Variants in SPAG6 observed in about 807,000 individuals in gnomAD.
The protein encoded by SPAG6 is sperm associated antigen 6.
A neutral mutation model predicts 58.5 loss-of-function variants in SPAG6; 49 were observed. The observed-to-expected ratio is 0.84, with a 90% CI of 0.67 to 1.06. The LOEUF is 1.06. SPAG6 is among the 50% of genes least tolerant of loss of function. The pLI, the probability that SPAG6 is intolerant of heterozygous loss-of-function variation, is 0.00. For missense variants in SPAG6, 560 were observed against 611.3 expected, an observed-to-expected ratio of 0.92 and a Z score of 0.89; for synonymous variants, 233 against 225.6, an observed-to-expected ratio of 1.03 and a Z score of -0.29.
intron 4 of SPAG6, among the ~76,000 whole-genome samples, chr10:22,373,621 C>T (rs1833755077): frequency 6.6e-6 from 1 of 152,234 alleles, no homozygotes; most frequent in Non-Finnish European, 1.5e-5. Flanking sequence ...GGGACTACAA[C>T]CTGGTAATTA....
Position 22,389,286 on chromosome 10 carries a change from C to G in SPAG6, c.979C>G (p.Leu327Val). 1 of 1,612,302 alleles carries G rather than the reference C, an allele frequency of 6.2e-7. No individual in the cohort carries two copies. Among genetic ancestry groups the G allele is most frequent in the Non-Finnish European group, 8.5e-7 (1 of 1,179,606 alleles). The change falls in exon 7 of 11, where the codon CTA (leucine) becomes GTA (valine). Residue 327 changes from leucine (L) to valine (V), a missense_variant. Coordinates refer to ENST00000376624, the MANE Select transcript of SPAG6 (RefSeq NM_012443.4). Reference protein sequence around the residue: ...LGYVAAHSENLAMAVIISKGV... With the variant: ...LGYVAAHSENVAMAVIISKGV... Reference sequence around the variant, plus strand: ...TTATGTAGCAGCTCATTCTGAGAACCTAGCAATGGCAGTCATCATTTCTAA... The same window carrying G: ...TTATGTAGCAGCTCATTCTGAGAACGTAGCAATGGCAGTCATCATTTCTAA...
At chr10:22,386,682 G>A in intron 4 of SPAG6, 72 bp from the exon 5 acceptor site, 1 of 1,142,260 alleles carries the variant, frequency 8.8e-7, no homozygotes, top group Non-Finnish European at 1.3e-6. Flanking sequence ...TGCTGTATCT[G>A]TCAGGGTGAA....
intron 9 of SPAG6, among the ~76,000 whole-genome samples, chr10:22,406,596 GA>G (rs901897772): frequency 5.9e-5 from 9 of 152,020 alleles, no homozygotes; most frequent in Non-Finnish European, 1.3e-4. Context: ...GTGTGGTGCT[GA>G]AAAAAATGTA....
intron 6 of SPAG6, among the ~76,000 whole-genome samples, chr10:22,388,455 C>G (rs773065884): frequency 2.0e-5 from 3 of 152,072 alleles, no homozygotes; most frequent in Non-Finnish European, 2.9e-5. Flanking sequence ...AGTGAGAACA[C>G]TATTATAGCT....
chr10:22,377,591 A>G (rs1162806390), intron 4 of SPAG6, among the ~76,000 whole-genome samples: 1 of 152,246 alleles, frequency 6.6e-6, no homozygotes, highest in Non-Finnish European at 1.5e-5. Flanking sequence ...ATATTAGGCA[A>G]CTGTTAAAAA....
intron 6 of SPAG6, 130 bp from the exon 7 acceptor site, chr10:22,389,030 A>G: frequency 1.5e-6 from 1 of 681,538 alleles, no homozygotes; most frequent in South Asian, 3.3e-5. Context: ...AATAAATATA[A>G]TAATTTCACT....
At chr10:22,360,773 T>C (rs1837011794) in intron 2 of SPAG6, 2 of 1,526,834 alleles carry the variant, frequency 1.3e-6, no homozygotes, top group African/African-American at 1.4e-5. Flanking sequence ...GTTTATCAGA[T>C]ATTGTGGCAA....
intron 2 of SPAG6, among the ~76,000 whole-genome samples, chr10:22,349,255 A>G (rs1836652184): frequency 6.6e-6 from 1 of 152,132 alleles, no homozygotes; most frequent in Non-Finnish European, 1.5e-5. Context: ...TATTCCTCTA[A>G]ATTAAAAGAA....
At chr10:22,354,463 CTG>C (rs1048698422) in intron 2 of SPAG6, among the ~76,000 whole-genome samples, 1 of 152,106 alleles carries the variant, frequency 6.6e-6, no homozygotes. Context: ...GCGTCAGTGA[CTG>C]TGGTGATGTA....
intron 2 of SPAG6, among the ~76,000 whole-genome samples, chr10:22,360,554 G>A (rs1052732170): frequency 2.0e-5 from 3 of 151,688 alleles, no homozygotes; most frequent in African/African-American, 7.3e-5. Flanking sequence ...TATGTGTATG[G>A]GAGCATTGTA....
chr10:22,400,308 T>C (rs1321752623), intron 8 of SPAG6, among the ~76,000 whole-genome samples: 1 of 151,956 alleles, frequency 6.6e-6, no homozygotes, highest in Non-Finnish European at 1.5e-5. Context: ...GGAATTCTAG[T>C]GGAAAATAGC....
At chr10:22,371,768 A>G (rs1833702136) in intron 4 of SPAG6, among the ~76,000 whole-genome samples, 1 of 152,222 alleles carries the variant, frequency 6.6e-6, no homozygotes, top group South Asian at 2.1e-4. Context: ...AATTAAAATA[A>G]GCATAGAGAG....
rs199940175 is a variant in SPAG6, at chr10:22,389,180, C to T, written c.873C>T (p.Asn291=). The change falls in exon 7 of 11, where the codon AAC becomes AAT. Residue 291 remains asparagine (N), a synonymous_variant. Transcript: ENST00000376624. ...HTPELSQLVV[N]AGGVAAVIDC... is the part of the protein sequence containing the mutation. Reference sequence around the variant, plus strand: ...CTTAGCTTTCACAGCTGGTAGTTAACGCAGGAGGGGTTGCTGCCGTGATTG... The same window carrying T: ...CTTAGCTTTCACAGCTGGTAGTTAATGCAGGAGGGGTTGCTGCCGTGATTG... 1.3e-5 allele frequency: 21 copies of T among 1,613,356 alleles called. No homozygotes were observed. Among genetic ancestry groups the T allele is most frequent in the African/African-American group, 8.0e-5 (6 of 74,944 alleles).
chr10:22,409,099 G>T (rs1247594486), intron 9 of SPAG6, among the ~76,000 whole-genome samples: 2 of 152,156 alleles, frequency 1.3e-5, no homozygotes, highest in African/African-American at 2.4e-5. Flanking sequence ...CATGGCTCAC[G>T]CTGGGAGCTG....
At chr10:22,353,220 C>A (rs536276752) in intron 2 of SPAG6, among the ~76,000 whole-genome samples, 4 of 152,312 alleles carry the variant, frequency 2.6e-5, no homozygotes, top group African/African-American at 9.6e-5. Flanking sequence ...AGCAGATAAT[C>A]CTGTTAGTAC....
chr10:22,402,458 A>T (rs1834438591), intron 9 of SPAG6, among the ~76,000 whole-genome samples: 1 of 152,230 alleles, frequency 6.6e-6, no homozygotes, highest in South Asian at 2.1e-4. Flanking sequence ...TTAGGTCTTC[A>T]TCTGAAAGAT....
At chr10:22,398,955 A>G (rs376609998) in intron 8 of SPAG6, among the ~76,000 whole-genome samples, 83 of 152,150 alleles carry the variant, frequency 5.5e-4, no homozygotes, top group African/African-American at 1.7e-3. Context: ...AGTAGCTGGG[A>G]CTACAGGCAC....
intron 2 of SPAG6, among the ~76,000 whole-genome samples, chr10:22,354,384 A>G (rs1836810198): frequency 6.6e-6 from 1 of 152,212 alleles, no homozygotes; most frequent in Non-Finnish European, 1.5e-5. Flanking sequence ...CTGTAGAGAA[A>G]GGATGCAAAG....
At chr10:22,403,124 C>CT (rs199582697) in intron 9 of SPAG6, among the ~76,000 whole-genome samples, 28 of 149,260 alleles carry the variant, frequency 1.9e-4, no homozygotes, top group South Asian at 6.4e-4. Context: ...GGAATATTTT[C>CT]TTTTTTTTTT....
Sources: gnomAD v4.1 joint callset for allele counts (sites outside exome capture counted in the v4.1 genomes callset) on GRCh38, gnomAD v4.1.1 for gene constraint, MANE v1.5 for transcripts, NCBI Gene and HGNC (gene_info 2026-07-23, HGNC 2026-07-21) for gene names.